Variants in MDGA1 observed in about 807,000 individuals in gnomAD.
MDGA1 encodes the protein MAM domain containing glycosylphosphatidylinositol anchor 1, also known as MAM domain-containing glycosylphosphatidylinositol anchor protein 1.
In MDGA1, 54 loss-of-function variants were observed where a neutral mutation model predicts 101.5. The ratio of observed to expected loss-of-function variants is 0.53; its 90% CI spans 0.43 to 0.67. MDGA1 has a LOEUF of 0.67. Ranked by LOEUF, MDGA1 falls within the 30% of genes least tolerant of loss-of-function variation. The probability of loss-of-function intolerance (pLI) is 0.00; values close to 1 mark genes in which losing one functional copy is unlikely to be tolerated. For missense variants in MDGA1, 1,083 were observed against 1,323.8 expected (o/e 0.82, Z 2.82); for synonymous variants, 533 against 558.3 (o/e 0.95, Z 0.64).
chr6:37,643,701 G>T, intron 14 of MDGA1, 108 bp downstream of exon 14: 1 of 1,472,148 alleles, frequency 6.8e-7, no homozygotes, highest in Non-Finnish European at 9.2e-7. Flanking sequence ...TTAGCCAAGT[G>T]GGGAAGCTGA....
At position 37,636,000 on chromosome 6, in the gene MDGA1, A is replaced by G. The variant is rs529304304; in HGVS notation, c.*1368T>C. The stretch of plus-strand genomic sequence containing the variant: ...CTGTGTTTGCACACACTCCTGCCCA[A>G]CAATGTACCCACGGTGGTACCTAGA... On this transcript the variant is annotated 3_prime_UTR_variant, in exon 17 of 17. Transcript: ENST00000434837. The G allele has an allele frequency of 2.3e-4, 85 of 363,354 alleles. No individual in the cohort carries two copies. The highest frequency in any genetic ancestry group is 1.7e-3 in the African/African-American group (81 of 48,134). 22.5% of individuals were successfully genotyped at this position (363,354 alleles called of 1,614,324 possible). A position where few individuals can be genotyped will look rare whatever the true frequency, so the allele number is the denominator to read the frequency against.
At position 37,649,165 on chromosome 6, in the gene MDGA1, C is replaced by T. The variant is rs894829516; in HGVS notation, c.1711G>A (p.Ala571Thr). The T allele has an allele frequency of 8.7e-6, 13 of 1,501,186 alleles. No individual in the cohort carries two copies. The highest frequency in any genetic ancestry group is 2.9e-5 in the African/African-American group (2 of 69,386). The allele number at this position is 1,501,186 out of a possible 1,614,324, so 93.0% of individuals were successfully genotyped here. The change falls in exon 9 of 17, where the codon GCC becomes ACC. Residue 571 changes from alanine to threonine, a missense_variant. By Grantham distance (58) the Ala-to-Thr change is moderately conservative. This residue lies in a region of MDGA1 where 657 missense variants were observed against 771.4 expected (regional missense o/e 0.85). Transcript: ENST00000434837. ...SLLRGSPQRI[A>T]SAVWRFKGQL... ...CCTTTGAAACGCCACACAGCCGAGG[C>T]GATGCGCTGGGGGCTGCCTCGCAGC...
intron 1 of MDGA1, among the ~76,000 whole-genome samples, chr6:37,670,786 C>A (rs7769372): frequency 3.9e-5 from 6 of 151,976 alleles, no homozygotes; most frequent in African/African-American, 1.5e-4. Flanking sequence ...CTCAGTTCTG[C>A]GAAGCAGAAA....
At chr6:37,659,470 A>C (rs1329821337) in intron 2 of MDGA1, among the ~76,000 whole-genome samples, 1 of 152,238 alleles carries the variant, frequency 6.6e-6, no homozygotes, top group Non-Finnish European at 1.5e-5. Context: ...CAAGGATTGC[A>C]TGAGAAACCT....
chr6:37,657,413 G>C (rs187422623), intron 3 of MDGA1, among the ~76,000 whole-genome samples: 1 of 152,318 alleles, frequency 6.6e-6, no homozygotes, highest in Non-Finnish European at 1.5e-5. Flanking sequence ...GCCATGAGAG[G>C]AGGTGGGCAT....
At chr6:37,637,974 G>C (rs1237784095) in intron 16 of MDGA1, 2 of 595,890 alleles carry the variant, frequency 3.4e-6, no homozygotes, top group South Asian at 2.2e-5. Context: ...ACCGTGAACA[G>C]GTCAGTATGC....
At position 37,635,508 on chromosome 6, in the gene MDGA1, T is replaced by C. The variant is rs1763908396; in HGVS notation, c.*1860A>G. ...TGGGTCAGGAAGGCAGCCGTGCTGA[T>C]TGGGCATCAGAAGGCCCCGCTGCAT... On this transcript the variant is annotated 3_prime_UTR_variant, in exon 17 of 17. Coordinates refer to ENST00000434837, the MANE Select transcript of MDGA1 (RefSeq NM_153487.4). The C allele has an allele frequency of 5.0e-6, 2 of 398,670 alleles. No homozygotes were observed. Among genetic ancestry groups the C allele is most frequent in the East Asian group, 3.6e-5 (1 of 28,080 alleles). 24.7% of individuals were successfully genotyped at this position (398,670 alleles called of 1,614,324 possible).
chr6:37,647,462 G>T, intron 9 of MDGA1, 138 bp from the exon 10 acceptor site: 1 of 596,810 alleles, frequency 1.7e-6, no homozygotes, highest in Non-Finnish European at 2.9e-6. Context: ...AGGGAATATT[G>T]TGAGGTGGGG....
At chr6:37,687,794 G>A (rs1375500713) in intron 1 of MDGA1, among the ~76,000 whole-genome samples, 1 of 151,898 alleles carries the variant, frequency 6.6e-6, no homozygotes, top group East Asian at 1.9e-4. Context: ...TAACCAAACA[G>A]GAAAGAGAAT....
Position 37,638,287 on chromosome 6 carries a change from C to T in MDGA1, c.2694G>A (p.Pro898=), listed in dbSNP as rs201158201. ...FQIIFEGVRG[P]GYLGDIAIDD... ...CTATGGCAATATCCCCCAGGTAGCC[C>T]GGGCCTCGAACCCCCTCAAAAATAA... is the stretch of plus-strand genomic sequence containing the variant. Residue 898 remains proline (P), a synonymous_variant, in exon 16 of 17, where the codon CCG becomes CCA. Coordinates refer to ENST00000434837, the MANE Select transcript of MDGA1 (RefSeq NM_153487.4). The surrounding 1 kb of genome is among the most constrained non-coding windows in gnomAD (Gnocchi z 4.8). 9.2e-5 allele frequency: 148 copies of T among 1,611,772 alleles called. 1 individual carries two copies. Among genetic ancestry groups the T allele is most frequent in the African/African-American group, 5.3e-5 (4 of 74,850 alleles).
intron 1 of MDGA1, among the ~76,000 whole-genome samples, chr6:37,694,219 C>G (rs1158371869): frequency 6.6e-6 from 1 of 152,188 alleles, no homozygotes; most frequent in Admixed American, 6.5e-5. Context: ...GGCTTCCAGC[C>G]TCTTCTCTCT....
chr6:37,676,307 G>C (rs1443217315), intron 1 of MDGA1, among the ~76,000 whole-genome samples: 3 of 152,196 alleles, frequency 2.0e-5, no homozygotes, highest in African/African-American at 7.2e-5. Flanking sequence ...CCAGGAAGTG[G>C]GGATGGCAGT....
At chr6:37,673,618 C>T (rs1364779489) in intron 1 of MDGA1, among the ~76,000 whole-genome samples, 1 of 152,254 alleles carries the variant, frequency 6.6e-6, no homozygotes, top group East Asian at 1.9e-4. Flanking sequence ...CTCACTGCAT[C>T]GGGAGTTGCT....
chr6:37,670,828 AAGG>A (rs1422947676), intron 1 of MDGA1, among the ~76,000 whole-genome samples: 1 of 151,558 alleles, frequency 6.6e-6, no homozygotes, highest in East Asian at 1.9e-4. Flanking sequence ...ATTGGCAGAG[AAGG>A]AGACCAATGC....
At chr6:37,649,844 C>A in intron 8 of MDGA1, 1 of 668,828 alleles carries the variant, frequency 1.5e-6, no homozygotes, top group South Asian at 1.5e-5. Context: ...CTTCAAAATC[C>A]CATTTCCACC....
chr6:37,696,135 T>C lies in MDGA1; in HGVS notation c.67+610A>G, dbSNP rs1762414072. Among the ~76,000 whole-genome samples the C allele has an allele frequency of 6.6e-6, 1 of 151,998 alleles. No individual in the cohort carries two copies. Among genetic ancestry groups the C allele is most frequent in the South Asian group, 2.1e-4 (1 of 4,812 alleles). On this transcript the variant is annotated intron_variant, in intron 1 of 16. Coordinates refer to ENST00000434837, the MANE Select transcript of MDGA1 (RefSeq NM_153487.4). This position sits in a 1 kb window ranked among gnomAD's most constrained non-coding sequence, Gnocchi z 5.6. Reference sequence around the variant, plus strand: ...GCAGGAAGGAAGGTGGGGTTGGGGTTTGTAGCCAAGAACCGGGGACAGGAA... The same window carrying C: ...GCAGGAAGGAAGGTGGGGTTGGGGTCTGTAGCCAAGAACCGGGGACAGGAA...
chr6:37,664,837 C>A (rs991109629), intron 1 of MDGA1, among the ~76,000 whole-genome samples: 1 of 87,006 alleles, frequency 1.1e-5, no homozygotes, highest in Non-Finnish European at 2.1e-5. Context: ...GAGAGCCTAA[C>A]CTAAGACACA....
At chr6:37,681,568 G>A (rs12211370) in intron 1 of MDGA1, among the ~76,000 whole-genome samples, 12,676 of 152,260 alleles carry the variant, frequency 0.083, 563 homozygotes, top group Middle Eastern at 0.14. Flanking sequence ...ACATATTATC[G>A]TGTGCAACAT....
chr6:37,658,482 T>C, intron 2 of MDGA1, 63 bp from the exon 3 acceptor site: 1 of 1,476,418 alleles, frequency 6.8e-7, no homozygotes. Context: ...GCCTCAGCGC[T>C]GAGTGCCCTG....
Sources: allele counts gnomAD v4.1 joint callset (sites outside exome capture counted in the v4.1 genomes callset), GRCh38; gene constraint gnomAD v4.1.1; regional missense constraint gnomAD v4.1.1; non-coding constraint Gnocchi (gnomAD v3.1); transcripts MANE v1.5; gene names NCBI Gene and HGNC (gene_info 2026-07-23, HGNC 2026-07-21).